GABRA3: variants seen among roughly 807,000 people sequenced by gnomAD.
GABRA3 encodes gamma-aminobutyric acid type A receptor subunit alpha3.
Under a neutral mutation model 30.1 loss-of-function variants are expected in GABRA3, and 10 were observed. The observed-to-expected ratio is 0.33, with a 90% CI of 0.20 to 0.56. The LOEUF is 0.56. GABRA3 is among the 20% of genes least tolerant of loss of function. The pLI is 0.89. For synonymous variants in GABRA3, 151 were observed against 146.8 expected, an observed-to-expected ratio of 1.03 and a Z score of -0.21; for missense variants, 233 against 392.0, an observed-to-expected ratio of 0.59 and a Z score of 3.42.
At chrX:152,331,171 A>C (rs1940159804) in intron 3 of GABRA3, among the ~76,000 whole-genome samples, 1 of 97,855 alleles carries the variant, frequency 1.0e-5, no homozygotes, top group African/African-American at 4.2e-5. Flanking sequence ...ACATAAAAAC[A>C]GACTTTGGAA....
chrX:152,416,052 T>C lies in GABRA3; in HGVS notation c.-27+35094A>G, dbSNP rs755428860. ...TTAGGCAGGAGAAGGAAATAAAGGG[T>C]ATTCAATTAGGAAAAGAGGAAGTCA... On this transcript the variant is annotated intron_variant, in intron 1 of 9. Transcript: ENST00000370314. Among the ~76,000 whole-genome samples, 163 of 109,073 alleles carry C rather than the reference T, an allele frequency of 1.5e-3. 1 individual carries two copies. Among genetic ancestry groups the C allele is most frequent in the African/African-American group, 5.0e-3 (151 of 29,990 alleles). The allele number at this position is 109,073 out of a possible 115,157, so 94.7% of individuals were successfully genotyped here.
intron 1 of GABRA3, among the ~76,000 whole-genome samples, chrX:152,388,583 C>G (rs1239171255): frequency 8.9e-6 from 1 of 111,826 alleles, no homozygotes; most frequent in Non-Finnish European, 1.9e-5. Context: ...ACTAAATTTG[C>G]AATGGTAAAT....
chrX:152,389,932 A>G (rs968323913), intron 1 of GABRA3, among the ~76,000 whole-genome samples: 2 of 111,424 alleles, frequency 1.8e-5, no homozygotes, highest in African/African-American at 6.5e-5. Flanking sequence ...ATAAAAAAAA[A>G]TATAGGAGCA....
At chrX:152,270,987 GC>G (rs1272104129) in intron 4 of GABRA3, among the ~76,000 whole-genome samples, 2 of 104,314 alleles carry the variant, frequency 1.9e-5, no homozygotes, top group African/African-American at 7.1e-5. Flanking sequence ...TTGAGAGAAA[GC>G]CTCGCTTTTG....
At chrX:152,286,081 A>G (rs1312376373) in intron 3 of GABRA3, among the ~76,000 whole-genome samples, 6 of 92,521 alleles carry the variant, frequency 6.5e-5, no homozygotes, top group Non-Finnish European at 1.0e-4. Context: ...AGTTAGTTAT[A>G]AATATACTTA....
intron 7 of GABRA3, among the ~76,000 whole-genome samples, chrX:152,199,372 A>T (rs191883974): frequency 2.4e-3 from 264 of 108,049 alleles, no homozygotes; most frequent in Admixed American, 0.018. Context: ...CTCAAAAAAA[A>T]AAAAATAAAA....
chrX:152,412,093 C>T (rs1345225671), intron 1 of GABRA3, among the ~76,000 whole-genome samples: 1 of 110,836 alleles, frequency 9.0e-6, no homozygotes, highest in Non-Finnish European at 1.9e-5. Context: ...ATCATTTAGC[C>T]AACATGAAAT....
chrX:152,292,194 GC>G (rs1326588744), intron 3 of GABRA3, among the ~76,000 whole-genome samples: 4 of 111,430 alleles, frequency 3.6e-5, no homozygotes, highest in Non-Finnish European at 7.5e-5. Flanking sequence ...CAATTTCAGA[GC>G]CTGTTATTGG....
chrX:152,319,946 T>C (rs755304917), intron 3 of GABRA3, among the ~76,000 whole-genome samples: 6 of 110,829 alleles, frequency 5.4e-5, no homozygotes, highest in African/African-American at 1.3e-4. Flanking sequence ...AAAGAAGATA[T>C]ACAAATGGCC....
At chrX:152,247,505 C>A (rs933272324) in intron 5 of GABRA3, among the ~76,000 whole-genome samples, 3 of 111,643 alleles carry the variant, frequency 2.7e-5, no homozygotes, top group Non-Finnish European at 5.7e-5. Context: ...GGTCTCTATA[C>A]CAGCTCTGCC....
chrX:152,273,886 G>C (rs1044732559), intron 4 of GABRA3, among the ~76,000 whole-genome samples: 1 of 111,343 alleles, frequency 9.0e-6, no homozygotes, highest in Non-Finnish European at 1.9e-5. Context: ...AAGTGTATAT[G>C]TATTATTTTA....
At chrX:152,336,010 C>G (rs1940228941) in intron 3 of GABRA3, among the ~76,000 whole-genome samples, 1 of 111,680 alleles carries the variant, frequency 9.0e-6, no homozygotes, top group African/African-American at 3.3e-5. Context: ...GGTAAGCCAG[C>G]ATCCTGCCAA....
chrX:152,235,048 G>T (rs1418979662), intron 5 of GABRA3, among the ~76,000 whole-genome samples: 2 of 111,691 alleles, frequency 1.8e-5, no homozygotes, highest in Admixed American at 1.9e-4. Flanking sequence ...TGAATCTCTA[G>T]ATTGCTTTGA....
At chrX:152,179,648 C>T (rs1454766604) in intron 9 of GABRA3, among the ~76,000 whole-genome samples, 2 of 109,989 alleles carry the variant, frequency 1.8e-5, no homozygotes, top group Non-Finnish European at 3.8e-5. Context: ...GCGCCCGCCA[C>T]CACACCTGGC....
intron 1 of GABRA3, among the ~76,000 whole-genome samples, chrX:152,383,490 C>G (rs1282717791): frequency 9.3e-6 from 1 of 107,993 alleles, no homozygotes; most frequent in African/African-American, 3.4e-5. Flanking sequence ...AAAACATTAG[C>G]AAAGCAAATT....
At chrX:152,330,001 G>A (rs894569944) in intron 3 of GABRA3, among the ~76,000 whole-genome samples, 1 of 111,281 alleles carries the variant, frequency 9.0e-6, no homozygotes, top group East Asian at 2.8e-4. Flanking sequence ...AAATTTACAA[G>A]AAAAAAATCA....
At chrX:152,175,389 CATTT>C (rs1334777268) in intron 9 of GABRA3, among the ~76,000 whole-genome samples, 2 of 110,920 alleles carry the variant, frequency 1.8e-5, no homozygotes, top group South Asian at 7.8e-4. Context: ...GGAAATCATC[CATTT>C]ATTTAATATT....
chrX:152,390,681 A>G (rs1247528270), intron 1 of GABRA3, among the ~76,000 whole-genome samples: 2 of 112,210 alleles, frequency 1.8e-5, no homozygotes, highest in East Asian at 5.6e-4. Context: ...ACTATAACAC[A>G]CACCAAGATA....
rs1185279641 is a variant in GABRA3 at position 152,369,048 on chromosome X, A to T, written c.-26-4452T>A. ...GAGAGACCTCCACATTGTTTTCCAT[A>T]ATGGCTGTGCTAATTTGCATTCCCA... On this transcript the variant is annotated intron_variant, in intron 1 of 9. Transcript: ENST00000370314. Among the ~76,000 whole-genome samples, 4 of 110,870 alleles carry T rather than the reference A, an allele frequency of 3.6e-5. 1 individual carries two copies. The South Asian group carries it at 1.5e-3, about 42-fold the overall frequency.
Sources: gnomAD v4.1 joint callset for allele counts (sites outside exome capture counted in the v4.1 genomes callset) on GRCh38, gnomAD v4.1.1 for gene constraint, MANE v1.5 for transcripts, NCBI Gene and HGNC (gene_info 2026-07-23, HGNC 2026-07-21) for gene names.